Variants in SETX observed in about 807,000 individuals in gnomAD.
SETX encodes helicase senataxin.
In SETX, 90 loss-of-function variants were observed where a neutral mutation model predicts 227.2. That is an observed-to-expected ratio of 0.40 (90% CI 0.33 to 0.47). The LOEUF is 0.47. Ranked by LOEUF, SETX falls within the 20% of genes least tolerant of loss-of-function variation. The pLI, the probability that SETX is intolerant of heterozygous loss-of-function variation, is 0.91. For synonymous variants in SETX, 1,210 were observed against 1,113.2 expected (o/e 1.09, Z -1.73); for missense variants, 3,052 against 3,181.5 (o/e 0.96, Z 0.98).
At chr9:132,346,781 G>C (rs942861596) in intron 3 of SETX, among the ~76,000 whole-genome samples, 2 of 95,718 alleles carry the variant, frequency 2.1e-5, no homozygotes, top group African/African-American at 6.8e-5. Flanking sequence ...GCAAGACCCT[G>C]TCACTAAAAA....
At chr9:132,292,784 C>A (rs1844418352) in intron 15 of SETX, among the ~76,000 whole-genome samples, 1 of 152,048 alleles carries the variant, frequency 6.6e-6, no homozygotes, top group Admixed American at 6.6e-5. Context: ...ACTACAGGCA[C>A]CCGCCACCAC....
At position 132,328,555 on chromosome 9, in the gene SETX, T is replaced by C. The variant is rs1209079001; in HGVS notation, c.3043A>G (p.Ile1015Val). ...VGDTSRGQVI[I>V]ISDSDDDDDE... ...TCATCATCATCAGAATCTGAAATAA[T>C]AATAACCTGTCCACGGGAGGTATCT... The change falls in exon 10 of 26, where the codon ATT (isoleucine) becomes GTT (valine). Residue 1015 changes from isoleucine to valine, a missense_variant. Ile to Val is a conservative substitution (Grantham distance 29). Coordinates refer to ENST00000224140, the MANE Select transcript of SETX (RefSeq NM_015046.7). 5 of 1,614,084 alleles carry C rather than the reference T, an allele frequency of 3.1e-6. No individual in the cohort carries two copies. In the South Asian group the frequency reaches 4.4e-5, roughly 14 times the overall value.
intron 10 of SETX, among the ~76,000 whole-genome samples, chr9:132,320,593 C>CAAAAAA (rs141457619): frequency 6.6e-5 from 4 of 61,048 alleles, no homozygotes; most frequent in Non-Finnish European, 8.6e-5. Flanking sequence ...GACTCCAACT[C>CAAAAAA]AAAAAAAAAA....
Position 132,328,905 on chromosome 9 carries a change from G to C in SETX, c.2693C>G (p.Pro898Arg). 2 of 1,613,868 alleles carry C rather than the reference G, an allele frequency of 1.2e-6. No homozygotes were observed. Among genetic ancestry groups the C allele is most frequent in the South Asian group, 1.1e-5 (1 of 91,052 alleles). Residue 898 changes from proline (P) to arginine (R), a missense_variant, in exon 10 of 26, where the codon CCT becomes CGT. Around this residue, in one of 10 missense-constraint regions of SETX, gnomAD observed 1,483 missense variants for 1,312.0 expected, o/e 1.13. Coordinates refer to ENST00000224140, the MANE Select transcript of SETX (RefSeq NM_015046.7). ...EFHVDGKELI[P>R]FTEMTNASEK... ...TGAAGCATTGGTCATTTCTGTAAAA[G>C]GGATCAATTCTTTACCATCAACATG...
In SETX at chr9:132,281,508, C is replaced by CTAGG; in HGVS notation, c.6609_6612dup (p.Val2205ProfsTer6). The CTAGG allele has an allele frequency of 6.2e-7, 1 of 1,613,978 alleles. No homozygotes were observed. Among genetic ancestry groups the CTAGG allele is most frequent in the Non-Finnish European group, 8.5e-7 (1 of 1,179,914 alleles). On this transcript the variant is annotated frameshift_variant, in exon 20 of 26. Transcript: ENST00000224140. LOFTEE classifies it high-confidence loss of function. ...GGAGGGAGCTGCTTAGGATCTCCTA[C>CTAGG]TAGGATGAGCTTATTGCAGCGATGG...
chr9:132,338,090 C>CTTTT lies in SETX; in HGVS notation c.499-1579_499-1576dup, dbSNP rs71376637. ...AGACAAACCCAAAGTGAGGAACACT[C>CTTTT]TTTTTTTTTTTTTTTTTTTGAGACA... On this transcript the variant is annotated intron_variant, in intron 5 of 25. Transcript: ENST00000224140. Among the ~76,000 whole-genome samples the CTTTT allele has an allele frequency of 2.4e-5, 3 of 126,502 alleles. 1 individual carries two copies. The highest frequency in any genetic ancestry group is 4.9e-5 in the Non-Finnish European group (3 of 61,808). 83.0% of individuals were successfully genotyped at this position (126,502 alleles called of 152,430 possible).
At chr9:132,317,648 G>T (rs1846064318) in intron 10 of SETX, among the ~76,000 whole-genome samples, 1 of 150,138 alleles carries the variant, frequency 6.7e-6, no homozygotes, top group African/African-American at 2.5e-5. Flanking sequence ...TTTTTTAAAG[G>T]GACAGGGTCT....
chr9:132,334,570 A>G (rs373466147), intron 7 of SETX, 38 bp downstream of exon 7: 15 of 1,610,324 alleles, frequency 9.3e-6, no homozygotes, highest in Non-Finnish European at 1.3e-5. Flanking sequence ...CATCATCATC[A>G]CTATATTCAA....
chr9:132,283,891 G>C (rs1843680169), intron 18 of SETX, among the ~76,000 whole-genome samples: 1 of 152,122 alleles, frequency 6.6e-6, no homozygotes, highest in African/African-American at 2.4e-5. Flanking sequence ...CTGTGAACCT[G>C]ACAAATCCTC....
chr9:132,264,226 T>A lies in SETX; in HGVS notation c.*13A>T, dbSNP rs1204954131. ...AATATGCTGTGGCTGCTGGCCCATGTCACTGGGCTTTCCTATAAAAGCTTT... is the reference window on the plus strand; with the variant it reads ...AATATGCTGTGGCTGCTGGCCCATGACACTGGGCTTTCCTATAAAAGCTTT... On this transcript the variant is annotated 3_prime_UTR_variant, in exon 26 of 26. Transcript: ENST00000224140. 8.7e-6 allele frequency: 14 copies of A among 1,613,724 alleles called. No homozygotes were observed. The highest frequency in any genetic ancestry group is 1.7e-5 in the Admixed American group (1 of 60,004).
At chr9:132,285,392 A>ACAGATGTT (rs1437177441) in intron 18 of SETX, among the ~76,000 whole-genome samples, 1 of 152,142 alleles carries the variant, frequency 6.6e-6, no homozygotes. Flanking sequence ...TTGTTACACC[A>ACAGATGTT]TTTTCTCCAC....
At chr9:132,333,402 A>ATATATATATATAT (rs1213588784) in intron 7 of SETX, among the ~76,000 whole-genome samples, 1 of 74,280 alleles carries the variant, frequency 1.3e-5, no homozygotes, top group African/African-American at 6.9e-5. Flanking sequence ...AAAAAAGAAA[A>ATATATATATATAT]AAAAAAATAT....
chr9:132,335,117 G>C (rs187403596), intron 6 of SETX, among the ~76,000 whole-genome samples: 2 of 152,136 alleles, frequency 1.3e-5, no homozygotes, highest in South Asian at 2.1e-4. Flanking sequence ...GAGGCCGGGC[G>C]TGGTGGCTCA....
intron 4 of SETX, 140 bp downstream of exon 4, chr9:132,346,121 C>A: frequency 1.4e-6 from 1 of 706,108 alleles, no homozygotes. Flanking sequence ...AAATAAAAAA[C>A]GTTGGAAAAA....
At chr9:132,324,818 G>A (rs1179318724) in intron 10 of SETX, among the ~76,000 whole-genome samples, 1 of 152,138 alleles carries the variant, frequency 6.6e-6, no homozygotes, top group African/African-American at 2.4e-5. Flanking sequence ...CTGTATACAC[G>A]AAAGTTTCTT....
At chr9:132,316,027 T>C (rs1314783290) in intron 10 of SETX, among the ~76,000 whole-genome samples, 1 of 152,206 alleles carries the variant, frequency 6.6e-6, no homozygotes, top group East Asian at 1.9e-4. Flanking sequence ...TACTCTTTAG[T>C]ATGTAATGGC....
chr9:132,298,029 T>C, intron 13 of SETX, 51 bp downstream of exon 13: 2 of 1,463,048 alleles, frequency 1.4e-6, no homozygotes, highest in South Asian at 1.1e-5. Context: ...AAAAATATGA[T>C]GCTTTAACAT....
intron 7 of SETX, among the ~76,000 whole-genome samples, chr9:132,333,416 T>TATATATATATACACAC (rs779955041): frequency 1.1e-5 from 1 of 88,092 alleles, no homozygotes; most frequent in African/African-American, 5.2e-5. Context: ...AAAATATATA[T>TATATATATATACACAC]ACACACACAC....
At chr9:132,293,024 G>C (rs980477034) in intron 15 of SETX, among the ~76,000 whole-genome samples, 1 of 152,180 alleles carries the variant, frequency 6.6e-6, no homozygotes, top group Non-Finnish European at 1.5e-5. Flanking sequence ...CCTCATTTAT[G>C]AACATTAATT....
Sources: gnomAD v4.1 joint callset for allele counts (sites outside exome capture counted in the v4.1 genomes callset) on GRCh38, gnomAD v4.1.1 for gene constraint, gnomAD v4.1.1 regional missense constraint, MANE v1.5 for transcripts, NCBI Gene and HGNC (gene_info 2026-07-23, HGNC 2026-07-21) for gene names.